FMNL2: variants seen among roughly 807,000 people sequenced by gnomAD.
FMNL2 encodes formin-like protein 2.
A neutral mutation model predicts 130.2 loss-of-function variants in FMNL2; 51 were observed. The observed-to-expected ratio is 0.39, with a 90% CI of 0.31 to 0.49. The LOEUF is 0.49. Among genes scored for constraint, FMNL2 ranks in the 20% least tolerant of loss-of-function variants. The pLI, the probability that FMNL2 is intolerant of heterozygous loss-of-function variation, is 0.85. For synonymous variants in FMNL2, 465 were observed against 467.1 expected (o/e 1.00, Z 0.06); for missense variants, 977 against 1,316.2 (o/e 0.74, Z 3.99).
At chr2:152,586,108 C>G (rs1697060858) in intron 9 of FMNL2, among the ~76,000 whole-genome samples, 1 of 152,110 alleles carries the variant, frequency 6.6e-6, no homozygotes, top group Admixed American at 6.5e-5. Flanking sequence ...TCAATTATAA[C>G]TGTATTCTCA....
chr2:152,532,409 A>C (rs1051947525), intron 2 of FMNL2, among the ~76,000 whole-genome samples: 1 of 152,204 alleles, frequency 6.6e-6, no homozygotes, highest in African/African-American at 2.4e-5. Flanking sequence ...CTCCAAATCC[A>C]ATCAACCCTT....
intron 1 of FMNL2, among the ~76,000 whole-genome samples, chr2:152,402,581 G>A (rs536125311): frequency 1.3e-5 from 2 of 152,308 alleles, no homozygotes; most frequent in South Asian, 4.1e-4. Flanking sequence ...AAGGTGCAAG[G>A]ACAGATAGTT....
chr2:152,413,817 G>T (rs1275937813), intron 1 of FMNL2, among the ~76,000 whole-genome samples: 1 of 152,224 alleles, frequency 6.6e-6, no homozygotes, highest in Non-Finnish European at 1.5e-5. Context: ...AATGAGTTGT[G>T]AAAGATACGG....
At chr2:152,353,495 C>G (rs1214788038) in intron 1 of FMNL2, among the ~76,000 whole-genome samples, 2 of 152,300 alleles carry the variant, frequency 1.3e-5, no homozygotes, top group South Asian at 2.1e-4. Context: ...TCCCTATACT[C>G]ACTTTGTTAG....
At chr2:152,576,331 A>G (rs899225489) in intron 7 of FMNL2, among the ~76,000 whole-genome samples, 54 of 152,188 alleles carry the variant, frequency 3.5e-4, no homozygotes, top group African/African-American at 1.2e-3. Context: ...GGCCCAGGGA[A>G]CTTACTTTCC....
chr2:152,618,687 A>G (rs1040864405), intron 13 of FMNL2, among the ~76,000 whole-genome samples, 159 bp from the exon 14 acceptor site: 1 of 152,206 alleles, frequency 6.6e-6, no homozygotes, highest in Non-Finnish European at 1.5e-5. Context: ...CTAGCATACA[A>G]CTAATAATTA....
chr2:152,452,357 A>G (rs902273087), intron 1 of FMNL2, among the ~76,000 whole-genome samples: 1 of 152,154 alleles, frequency 6.6e-6, no homozygotes, highest in African/African-American at 2.4e-5. Context: ...AGCATTTCAG[A>G]ACAACAGAAG....
intron 1 of FMNL2, among the ~76,000 whole-genome samples, chr2:152,458,872 C>A (rs1433753452): frequency 6.6e-6 from 1 of 152,092 alleles, no homozygotes; most frequent in Non-Finnish European, 1.5e-5. Context: ...TTTCTGAAGG[C>A]AAGTTTTAAT....
At chr2:152,510,685 G>T (rs1159322189) in intron 1 of FMNL2, among the ~76,000 whole-genome samples, 1 of 152,202 alleles carries the variant, frequency 6.6e-6, no homozygotes, top group African/African-American at 2.4e-5. Flanking sequence ...ACCACGAGGG[G>T]TGAGAGCCAA....
chr2:152,632,263 C>CT, intron 21 of FMNL2, 126 bp downstream of exon 21: 1 of 1,293,474 alleles, frequency 7.7e-7, no homozygotes, highest in East Asian at 2.3e-5. Flanking sequence ...GTCAGACACA[C>CT]TGAGCTGGAA....
intron 1 of FMNL2, among the ~76,000 whole-genome samples, chr2:152,356,406 G>C (rs188443658): frequency 1.3e-5 from 2 of 152,338 alleles, no homozygotes; most frequent in Admixed American, 1.3e-4. Flanking sequence ...TTACAGGCGT[G>C]AGCCACCACA....
At chr2:152,358,362 T>C (rs1682960507) in intron 1 of FMNL2, among the ~76,000 whole-genome samples, 1 of 152,064 alleles carries the variant, frequency 6.6e-6, no homozygotes. Flanking sequence ...TCAATTCTGC[T>C]AATAAGGCCA....
At chr2:152,629,515 A>G (rs1355199460) in intron 18 of FMNL2, 141 bp from the exon 19 acceptor site, 2 of 707,702 alleles carry the variant, frequency 2.8e-6, no homozygotes, top group Non-Finnish European at 2.3e-6. Flanking sequence ...TGTTATACTT[A>G]GAAAAAGTAG....
intron 15 of FMNL2, among the ~76,000 whole-genome samples, chr2:152,621,895 G>A (rs1468828147): frequency 6.6e-6 from 1 of 152,134 alleles, no homozygotes; most frequent in East Asian, 1.9e-4. Flanking sequence ...AGAAACCTAT[G>A]ACATCACTTG....
chr2:152,399,420 G>A (rs753245177), intron 1 of FMNL2, among the ~76,000 whole-genome samples: 6 of 152,216 alleles, frequency 3.9e-5, no homozygotes, highest in Admixed American at 6.5e-5. Flanking sequence ...CCCTCTGGAC[G>A]TGGGTGAGGA....
At chr2:152,602,206 A>T (rs1698116314) in intron 9 of FMNL2, among the ~76,000 whole-genome samples, 1 of 152,200 alleles carries the variant, frequency 6.6e-6, no homozygotes. Context: ...GGATGGGCAG[A>T]TAGGTGGCTG....
chr2:152,630,702 T>C (rs1682101694), intron 20 of FMNL2, among the ~76,000 whole-genome samples: 1 of 152,128 alleles, frequency 6.6e-6, no homozygotes, highest in Non-Finnish European at 1.5e-5. Context: ...GCATGTCTGT[T>C]TCAGGTCTTC....
At chr2:152,607,014 T>TG (rs1264386484) in intron 9 of FMNL2, among the ~76,000 whole-genome samples, 2 of 134,766 alleles carry the variant, frequency 1.5e-5, no homozygotes, top group African/African-American at 5.3e-5. Flanking sequence ...TTGTTTTTTT[T>TG]TTTTTTTTTT....
intron 3 of FMNL2, among the ~76,000 whole-genome samples, chr2:152,547,775 T>C (rs1277241929): frequency 6.6e-6 from 1 of 152,180 alleles, no homozygotes; most frequent in African/African-American, 2.4e-5. Context: ...AGAGGTCCTT[T>C]ATATCCTGAG....
Sources: allele counts gnomAD v4.1 joint callset (sites outside exome capture counted in the v4.1 genomes callset), GRCh38; gene constraint gnomAD v4.1.1; transcripts MANE v1.5; gene names NCBI Gene and HGNC (gene_info 2026-07-23, HGNC 2026-07-21).